The following CLUAP1 variants were observed in gnomAD, a reference collection of about 807,000 sequenced individuals.
CLUAP1 encodes the protein intraflagellar transport 38, also known as clusterin-associated protein 1.
A neutral mutation model predicts 55.0 loss-of-function variants in CLUAP1; 50 were observed. That is an observed-to-expected ratio of 0.91 (90% CI 0.72 to 1.15). The LOEUF is 1.15. Among genes scored for constraint, CLUAP1 ranks in the 50% most tolerant of loss-of-function variants. CLUAP1 has a pLI of 0.00. For missense variants in CLUAP1, 530 were observed against 507.6 expected (o/e 1.04, Z -0.42); for synonymous variants, 195 against 175.4 (o/e 1.11, Z -0.88).
At chr16:3,496,440 C>A, upstream of CLUAP1, 2 of 1,007,124 alleles carry the variant, frequency 2.0e-6, no homozygotes, top group Non-Finnish European at 3.0e-6. Flanking sequence ...GAAAACAAAA[C>A]GGCCGTGGTT....
intron 3 of CLUAP1, 26 bp downstream of exon 3, chr16:3,506,441 T>G: frequency 1.9e-6 from 3 of 1,559,558 alleles, no homozygotes; most frequent in Non-Finnish European, 8.8e-7. Flanking sequence ...TTTTGTGGAG[T>G]TGTAAAATTA....
upstream of CLUAP1, among the ~76,000 whole-genome samples, chr16:3,500,336 G>A (rs552682601): frequency 2.0e-5 from 3 of 152,242 alleles, no homozygotes; most frequent in South Asian, 4.1e-4. Context: ...TGCCTCGGAC[G>A]GGGGAAGGCG....
chr16:3,530,121 A>T (rs1436839084), intron 9 of CLUAP1, among the ~76,000 whole-genome samples: 1 of 151,386 alleles, frequency 6.6e-6, no homozygotes, highest in Non-Finnish European at 1.5e-5. Context: ...AGAGAGCAAG[A>T]GATCAAACTC....
intron 10 of CLUAP1, among the ~76,000 whole-genome samples, chr16:3,532,540 G>A (rs982951803): frequency 3.4e-5 from 5 of 147,826 alleles, no homozygotes; most frequent in East Asian, 2.0e-4. Context: ...TCAGCCTCCC[G>A]AGTAGCTGAG....
chr16:3,496,739 G>A (rs2037316243), upstream of CLUAP1: 1 of 517,564 alleles, frequency 1.9e-6, no homozygotes, highest in South Asian at 1.4e-5. Context: ...GCGCGCCAGA[G>A]GCCTACGGGC....
intron 3 of CLUAP1, 136 bp downstream of exon 3, chr16:3,506,551 C>T: frequency 1.4e-6 from 1 of 704,766 alleles, no homozygotes. Flanking sequence ...TTCTCTCGCC[C>T]AGGCCGGAGT....
At chr16:3,511,577 G>C (rs2037625583) in intron 4 of CLUAP1, among the ~76,000 whole-genome samples, 1 of 152,200 alleles carries the variant, frequency 6.6e-6, no homozygotes, top group Non-Finnish European at 1.5e-5. Flanking sequence ...GAGGATGTGT[G>C]TCCCTCAGGC....
chr16:3,527,239 T>C (rs113786086), intron 9 of CLUAP1, among the ~76,000 whole-genome samples: 11 of 152,306 alleles, frequency 7.2e-5, no homozygotes, highest in African/African-American at 2.4e-4. Context: ...ATGAATATCA[T>C]TAATCATTAG....
intron 9 of CLUAP1, 110 bp downstream of exon 9, chr16:3,526,594 T>C (rs1357091797): frequency 3.7e-6 from 2 of 545,966 alleles, no homozygotes; most frequent in Non-Finnish European, 5.3e-6. Flanking sequence ...TTCTTCTTTT[T>C]TTCAGCAGTT....
chr16:3,532,464 G>GAGTGC (rs925449682), intron 10 of CLUAP1, among the ~76,000 whole-genome samples: 2 of 119,286 alleles, frequency 1.7e-5, no homozygotes, highest in Non-Finnish European at 3.2e-5. Context: ...GTTCACGCTA[G>GAGTGC]AGTGCAGTGG....
upstream of CLUAP1, chr16:3,496,640 C>G (rs1230753553): frequency 1.9e-6 from 1 of 533,184 alleles, no homozygotes; most frequent in Non-Finnish European, 3.7e-6. Context: ...TCGCAAGGGC[C>G]GACAGGTGTA....
At chr16:3,498,630 C>T (rs996914669), upstream of CLUAP1, among the ~76,000 whole-genome samples, 24 of 152,056 alleles carry the variant, frequency 1.6e-4, no homozygotes, top group African/African-American at 5.3e-4. Context: ...CCAACATAGG[C>T]GGGCGGATCA....
upstream of CLUAP1, chr16:3,500,899 C>A (rs1420391075): frequency 3.0e-5 from 21 of 701,568 alleles, no homozygotes; most frequent in Admixed American, 5.5e-4. Flanking sequence ...CCGGCCCGCT[C>A]TCCCCGTGCG....
chr16:3,524,787 A>G lies in CLUAP1; in HGVS notation c.855+1488A>G, dbSNP rs148380690. 3.9e-5 allele frequency among the ~76,000 whole-genome samples: 6 copies of G among 152,214 alleles called. No individual in the cohort carries two copies. The East Asian group carries it at 1.2e-3, about 29-fold the overall frequency. On this transcript the variant is annotated intron_variant, in intron 8 of 11. Coordinates refer to ENST00000576634, the MANE Select transcript of CLUAP1 (RefSeq NM_015041.3). The stretch of plus-strand genomic sequence containing the variant: ...TCCTCTCATCCCTGTGGGTAAGGCC[A>G]TTTAGGAAAAGAGTGTTTTAGACCC...
Position 3,520,036 on chromosome 16 carries a change from G to C in CLUAP1, c.713G>C (p.Arg238Thr). The C allele has an allele frequency of 6.2e-7, 1 of 1,605,714 alleles. No homozygotes were observed. The highest frequency in any genetic ancestry group is 8.5e-7 in the Non-Finnish European group (1 of 1,177,832). Residue 238 changes from arginine (R) to threonine (T), a missense_variant and splice_region_variant, in exon 7 of 12, where the codon AGG becomes ACG. Transcript: ENST00000576634. ...RKRLETLQSV[R>T]PCFMDEYEKT... The stretch of plus-strand genomic sequence containing the variant: ...CGACTAGAGACTCTGCAGAGTGTCA[G>C]GTAGATATGAACACTTGGAGAATGA...
intron 9 of CLUAP1, 128 bp downstream of exon 9, chr16:3,526,612 T>A: frequency 2.6e-6 from 1 of 382,036 alleles, no homozygotes; most frequent in Non-Finnish European, 4.2e-6. Flanking sequence ...GTTTTTTTTT[T>A]ACTGTAGTAA....
chr16:3,527,621 G>T (rs745527984), intron 9 of CLUAP1, among the ~76,000 whole-genome samples: 1 of 152,026 alleles, frequency 6.6e-6, no homozygotes. Flanking sequence ...AGGCCCGCCC[G>T]CAGTTATCCG....
intron 6 of CLUAP1, among the ~76,000 whole-genome samples, chr16:3,516,278 C>A (rs1225161227): frequency 6.6e-6 from 1 of 152,124 alleles, no homozygotes; most frequent in Admixed American, 6.5e-5. Flanking sequence ...GATGAGGGCC[C>A]CTGTGTACAT....
At position 3,530,619 on chromosome 16, in the gene CLUAP1, A is replaced by G. The variant is rs764694512; in HGVS notation, c.980A>G (p.Glu327Gly). ...DIQEDDESDS[E>G]LEERRLPKPQ... ...CAGGAGGACGATGAATCCGACAGTG[A>G]GTTGGAAGAAAGGCGGCTGCCCAAG... is the stretch of plus-strand genomic sequence containing the variant. Residue 327 changes from glutamate to glycine, a missense_variant, in exon 10 of 12, where the codon GAG becomes GGG. Coordinates refer to ENST00000576634, the MANE Select transcript of CLUAP1 (RefSeq NM_015041.3). 3 of 1,613,894 alleles carry G rather than the reference A, an allele frequency of 1.9e-6. No homozygotes were observed. Among genetic ancestry groups the G allele is most frequent in the East Asian group, 4.5e-5 (2 of 44,884 alleles).
Sources: allele counts gnomAD v4.1 joint callset (sites outside exome capture counted in the v4.1 genomes callset), GRCh38; gene constraint gnomAD v4.1.1; transcripts MANE v1.5; gene names NCBI Gene and HGNC (gene_info 2026-07-23, HGNC 2026-07-21).